DPH6: variants seen among roughly 807,000 people sequenced by gnomAD.
The protein encoded by DPH6 is diphthine--ammonia ligase.
A neutral mutation model predicts 38.2 loss-of-function variants in DPH6; 33 were observed. The observed-to-expected ratio is 0.86, with a 90% CI of 0.65 to 1.15. The LOEUF (loss-of-function observed/expected upper bound fraction) is 1.15, where lower values mean the gene tolerates loss of function less well. Among genes scored for constraint, DPH6 ranks in the 50% most tolerant of loss-of-function variants. The pLI is 0.00. For missense variants in DPH6, 325 were observed against 320.0 expected, an observed-to-expected ratio of 1.02 and a Z score of -0.12; for synonymous variants, 108 against 103.0, an observed-to-expected ratio of 1.05 and a Z score of -0.30.
chr15:35,245,296 T>A (rs147901139), intron 3 of DPH6, among the ~76,000 whole-genome samples: 4,119 of 137,150 alleles, frequency 0.03, 84 homozygotes, highest in Middle Eastern at 0.062. Context: ...TGGAGTGCAG[T>A]GGTGCCATCT....
chr15:35,365,815 T>A (rs1392538997), intron 3 of DPH6: 2 of 985,174 alleles, frequency 2.0e-6, no homozygotes, highest in African/African-American at 3.5e-5. Context: ...GATTTATTAA[T>A]CTGCTCCAGT....
intron 3 of DPH6, among the ~76,000 whole-genome samples, chr15:35,480,967 G>A (rs181894944): frequency 1.4e-5 from 1 of 71,510 alleles, no homozygotes; most frequent in Admixed American, 1.8e-4. Flanking sequence ...AACCATATGT[G>A]GGGTATTCTT....
intron 6 of DPH6, among the ~76,000 whole-genome samples, chr15:35,400,107 G>C (rs188746334): frequency 7.9e-5 from 12 of 152,312 alleles, no homozygotes; most frequent in Non-Finnish European, 2.9e-5. Context: ...ATACTTCTTA[G>C]GTCTGAACAT....
intron 3 of DPH6, among the ~76,000 whole-genome samples, chr15:35,273,627 C>G (rs1375168446): frequency 6.6e-6 from 1 of 152,088 alleles, no homozygotes; most frequent in African/African-American, 2.4e-5. Flanking sequence ...GACAGAGAGC[C>G]AAATCCTGAG....
chr15:35,235,146 T>G (rs1013637472), intron 3 of DPH6, among the ~76,000 whole-genome samples: 1 of 152,210 alleles, frequency 6.6e-6, no homozygotes, highest in African/African-American at 2.4e-5. Flanking sequence ...CCCTTTGGTA[T>G]AACAGCCACA....
intron 6 of DPH6, among the ~76,000 whole-genome samples, chr15:35,410,376 A>G (rs192235224): frequency 3.3e-5 from 5 of 151,916 alleles, no homozygotes; most frequent in Admixed American, 1.3e-4. Context: ...CACAATGAGA[A>G]GTTAAGTAGA....
downstream of DPH6, among the ~76,000 whole-genome samples, chr15:35,216,877 T>G (rs761460388): frequency 1.2e-4 from 19 of 152,300 alleles, no homozygotes; most frequent in South Asian, 2.1e-4. Flanking sequence ...ACTGGCAATA[T>G]TCAGTAAGTA....
the DPH6 span, among the ~76,000 whole-genome samples, chr15:35,196,724 C>T: frequency 6.6e-6 from 1 of 152,060 alleles, no homozygotes; most frequent in African/African-American, 2.4e-5. Flanking sequence ...TTCCACACCA[C>T]CAGCAAGAAA....
intron 6 of DPH6, among the ~76,000 whole-genome samples, chr15:35,406,017 G>A (rs1428117053): frequency 2.0e-5 from 3 of 152,038 alleles, no homozygotes; most frequent in Middle Eastern, 6.8e-3. Flanking sequence ...TTTCACGCAC[G>A]TATCGCATGT....
chr15:35,236,572 GA>G (rs2051553166), intron 3 of DPH6, among the ~76,000 whole-genome samples: 2 of 151,686 alleles, frequency 1.3e-5, no homozygotes, highest in Non-Finnish European at 2.9e-5. Context: ...CTGGGAGGTG[GA>G]GCTTGCAGTG....
downstream of DPH6, among the ~76,000 whole-genome samples, chr15:35,328,750 T>G (rs1250918279): frequency 2.0e-5 from 3 of 152,220 alleles, no homozygotes; most frequent in Non-Finnish European, 4.4e-5. Context: ...AGACACTTCC[T>G]TATGGGTCAG....
intron 3 of DPH6, among the ~76,000 whole-genome samples, chr15:35,332,279 A>T (rs2052332212): frequency 6.6e-6 from 1 of 152,196 alleles, no homozygotes; most frequent in Non-Finnish European, 1.5e-5. Context: ...AGAAGAAATT[A>T]ATGAAAAAAT....
chr15:35,162,378 A>G, the DPH6 span, among the ~76,000 whole-genome samples: 166 of 152,002 alleles, frequency 1.1e-3, no homozygotes, highest in Middle Eastern at 3.4e-3. Context: ...CACTGTTTAT[A>G]TCTCCATCTT....
chr15:35,238,082 A>C (rs2051568679), intron 3 of DPH6: 2 of 1,525,740 alleles, frequency 1.3e-6, no homozygotes, highest in African/African-American at 1.4e-5. Flanking sequence ...ACCTATTTTG[A>C]AAAATTCCTA....
intron 1 of DPH6, among the ~76,000 whole-genome samples, 195 bp from the exon 2 acceptor site, chr15:35,542,702 A>G (rs1331243012): frequency 6.8e-6 from 1 of 146,398 alleles, no homozygotes; most frequent in Non-Finnish European, 1.5e-5. Flanking sequence ...TGCTACTCAC[A>G]GGAGCTTAAG....
chr15:35,372,247 T>C, intron 8 of DPH6, 44 bp from the exon 9 acceptor site: 1 of 1,403,358 alleles, frequency 7.1e-7, no homozygotes, highest in Non-Finnish European at 9.5e-7. Context: ...TGCACCATAT[T>C]TATTCAGTGT....
At chr15:35,442,757 G>A (rs1260422804) in intron 5 of DPH6, among the ~76,000 whole-genome samples, 1 of 152,152 alleles carries the variant, frequency 6.6e-6, no homozygotes, top group Non-Finnish European at 1.5e-5. Context: ...AGTGAAAGAA[G>A]CCAGTCACAG....
chr15:35,440,310 T>C (rs758455410), intron 5 of DPH6, among the ~76,000 whole-genome samples: 15 of 152,222 alleles, frequency 9.9e-5, no homozygotes, highest in Non-Finnish European at 1.6e-4. Context: ...ACCCTGACTA[T>C]AGTCACCAGT....
intron 3 of DPH6, among the ~76,000 whole-genome samples, chr15:35,472,273 A>G (rs1438277727): frequency 6.6e-6 from 1 of 152,206 alleles, no homozygotes; most frequent in Non-Finnish European, 1.5e-5. Context: ...GAACACACGG[A>G]TTAATAATAG....
Sources: gnomAD v4.1 joint callset for allele counts (sites outside exome capture counted in the v4.1 genomes callset) on GRCh38, gnomAD v4.1.1 for gene constraint, MANE v1.5 for transcripts, NCBI Gene and HGNC (gene_info 2026-07-23, HGNC 2026-07-21) for gene names.